Variants in NALF1 observed in about 807,000 individuals in gnomAD.
The protein encoded by NALF1 is NALCN channel auxiliary factor 1.
Under a neutral mutation model 48.4 loss-of-function variants are expected in NALF1, and 3 were observed. The observed-to-expected ratio is 0.06, with a 90% CI of 0.03 to 0.16. NALF1 has a LOEUF of 0.16. NALF1 is among the 10% of genes least tolerant of loss of function. NALF1 has a pLI of 1.00. For synonymous variants in NALF1, 262 were observed against 245.7 expected, an observed-to-expected ratio of 1.07 and a Z score of -0.62; for missense variants, 526 against 571.5, an observed-to-expected ratio of 0.92 and a Z score of 0.81.
intron 1 of NALF1, among the ~76,000 whole-genome samples, chr13:107,810,926 T>C (rs1878969320): frequency 6.6e-6 from 1 of 152,188 alleles, no homozygotes; most frequent in Non-Finnish European, 1.5e-5. Flanking sequence ...GATTAACTTC[T>C]GTACAATTCT....
intron 1 of NALF1, among the ~76,000 whole-genome samples, chr13:107,726,913 T>C (rs200004704): frequency 7.9e-6 from 1 of 126,398 alleles, no homozygotes; most frequent in African/African-American, 3.0e-5. Flanking sequence ...CGGCAAATTC[T>C]TGTGTGTGTG....
intron 1 of NALF1, among the ~76,000 whole-genome samples, chr13:107,416,038 G>A (rs1029690824): frequency 1.3e-5 from 2 of 149,568 alleles, no homozygotes; most frequent in African/African-American, 2.5e-5. Context: ...ATGGTGTCTC[G>A]CTCTGTCGCC....
intron 1 of NALF1, among the ~76,000 whole-genome samples, chr13:107,727,494 A>C (rs914558849): frequency 2.0e-5 from 3 of 152,104 alleles, no homozygotes; most frequent in African/African-American, 7.2e-5. Context: ...GAAAGATAAA[A>C]GGCTTCCTTG....
intron 1 of NALF1, among the ~76,000 whole-genome samples, chr13:107,756,233 C>A (rs944219839): frequency 6.6e-6 from 1 of 152,006 alleles, no homozygotes; most frequent in African/African-American, 2.4e-5. Context: ...AATGTTAATT[C>A]ACATCTACAG....
chr13:107,688,866 C>T lies in NALF1; in HGVS notation c.915+176816G>A, dbSNP rs1881502663. On this transcript the variant is annotated intron_variant, in intron 1 of 2. Transcript: ENST00000375915. The stretch of plus-strand genomic sequence containing the variant: ...AAATGTGGCTCCTGGGTCAGGTGAC[C>T]GAAATGCATTACCTAATGAAAATGA... Among the ~76,000 whole-genome samples the T allele has an allele frequency of 2.0e-5, 3 of 152,028 alleles. No individual in the cohort carries two copies. In the South Asian group the frequency reaches 6.2e-4, roughly 31 times the overall value.
At chr13:107,703,361 T>C (rs1310349963) in intron 1 of NALF1, among the ~76,000 whole-genome samples, 1 of 114,384 alleles carries the variant, frequency 8.7e-6, no homozygotes, top group Non-Finnish European at 1.7e-5. Flanking sequence ...TTCATTTGCT[T>C]AGTTTTTTTT....
At chr13:107,622,604 A>G (rs756029181) in intron 1 of NALF1, among the ~76,000 whole-genome samples, 33 of 152,312 alleles carry the variant, frequency 2.2e-4, no homozygotes, top group Admixed American at 5.2e-4. Flanking sequence ...TATACTGTAC[A>G]GTACCACAAT....
chr13:107,249,990 T>C (rs940379981), intron 1 of NALF1, among the ~76,000 whole-genome samples: 1 of 152,026 alleles, frequency 6.6e-6, no homozygotes, highest in Non-Finnish European at 1.5e-5. Context: ...AATAAAATAA[T>C]GTGTTGTCTC....
chr13:107,503,125 T>C (rs139859468), intron 1 of NALF1, among the ~76,000 whole-genome samples: 228 of 152,294 alleles, frequency 1.5e-3, no homozygotes, highest in African/African-American at 4.9e-3. Context: ...CTTAGATTCA[T>C]AGGAACTTCA....
chr13:107,597,670 A>G (rs1594150675), intron 1 of NALF1, among the ~76,000 whole-genome samples: 1 of 152,034 alleles, frequency 6.6e-6, no homozygotes, highest in Middle Eastern at 3.4e-3. Context: ...TAGATAGTAC[A>G]ATACAATTGT....
intron 1 of NALF1, among the ~76,000 whole-genome samples, chr13:107,598,015 T>C (rs1248426651): frequency 1.3e-5 from 2 of 152,174 alleles, no homozygotes; most frequent in African/African-American, 2.4e-5. Context: ...AGACTATAAC[T>C]TGGCAATCAA....
chr13:107,212,111 C>T lies in NALF1; in HGVS notation c.916-1356G>A, dbSNP rs1348927914. ...CAGATGAACCTAAAATCAGCATGGC[C>T]TTCCATGCCCCGGGTCAATATCTAT... is the stretch of plus-strand genomic sequence containing the variant. On this transcript the variant is annotated intron_variant, in intron 1 of 2. Coordinates refer to ENST00000375915, the MANE Select transcript of NALF1 (RefSeq NM_001080396.3). Among the ~76,000 whole-genome samples, 6 of 152,128 alleles carry T rather than the reference C, an allele frequency of 3.9e-5. No homozygotes were observed. The East Asian group carries it at 1.2e-3, about 29-fold the overall frequency.
chr13:107,789,973 C>T (rs889022919), intron 1 of NALF1, among the ~76,000 whole-genome samples: 1 of 152,166 alleles, frequency 6.6e-6, no homozygotes, highest in African/African-American at 2.4e-5. Context: ...CTCATTCACT[C>T]CCTTGTACAC....
At chr13:107,650,567 T>A (rs1007041897) in intron 1 of NALF1, among the ~76,000 whole-genome samples, 4 of 151,644 alleles carry the variant, frequency 2.6e-5, no homozygotes, top group African/African-American at 9.7e-5. Flanking sequence ...TACAATGGGC[T>A]TTGGTGACTT....
rs550290954 is a variant in NALF1, at chr13:107,731,782, T to G, written c.915+133900A>C. On this transcript the variant is annotated intron_variant, in intron 1 of 2. Transcript: ENST00000375915. ...TATTCCATGGTGTATATGCACCACA[T>G]TTTCTTTATCCAGCCTGCCATTGAT... Among the ~76,000 whole-genome samples, 7 of 152,306 alleles carry G rather than the reference T, an allele frequency of 4.6e-5. No individual in the cohort carries two copies. The South Asian group carries it at 1.0e-3, about 23-fold the overall frequency.
chr13:107,498,802 C>T (rs1875420793), intron 1 of NALF1, among the ~76,000 whole-genome samples: 1 of 152,096 alleles, frequency 6.6e-6, no homozygotes, highest in Non-Finnish European at 1.5e-5. Context: ...GTAATTCTGA[C>T]AGTGGCCATC....
In NALF1 at chr13:107,306,077, C is replaced by T. The variant is rs998435208; in HGVS notation, c.916-95322G>A. Among the ~76,000 whole-genome samples the T allele has an allele frequency of 4.6e-5, 7 of 152,072 alleles. No individual in the cohort carries two copies. In the South Asian group the frequency reaches 6.2e-4, roughly 14 times the overall value. ...AAGATCGGTGATGTGTGAATAAAAA[C>T]GCATTAGTTCCATTCTTACTTCTTT... On this transcript the variant is annotated intron_variant, in intron 1 of 2. Transcript: ENST00000375915.
chr13:107,421,496 A>G (rs1320429990), intron 1 of NALF1, among the ~76,000 whole-genome samples: 1 of 152,222 alleles, frequency 6.6e-6, no homozygotes, highest in East Asian at 1.9e-4. Flanking sequence ...TATGCCAAGT[A>G]TAATTTATTT....
intron 1 of NALF1, among the ~76,000 whole-genome samples, chr13:107,694,347 G>A (rs1019786992): frequency 4.6e-5 from 7 of 151,556 alleles, no homozygotes; most frequent in African/African-American, 9.7e-5. Flanking sequence ...GTTTTGATTC[G>A]ACAATTTAGT....
Sources: gnomAD v4.1 joint callset for allele counts (sites outside exome capture counted in the v4.1 genomes callset) on GRCh38, gnomAD v4.1.1 for gene constraint, MANE v1.5 for transcripts, NCBI Gene and HGNC (gene_info 2026-07-23, HGNC 2026-07-21) for gene names.